MICU1: variants seen among roughly 807,000 people sequenced by gnomAD.
The protein encoded by MICU1 is mitochondrial calcium uptake 1.
In MICU1, 45 loss-of-function variants were observed where a neutral mutation model predicts 56.8. The ratio of observed to expected loss-of-function variants is 0.79; its 90% confidence interval spans 0.62 to 1.02. MICU1 has a LOEUF of 1.02. MICU1 is among the 50% of genes least tolerant of loss of function. The pLI, the probability that MICU1 is intolerant of heterozygous loss-of-function variation, is 0.00. For missense variants in MICU1, 504 were observed against 587.1 expected (o/e 0.86, Z 1.46); for synonymous variants, 186 against 195.1 (o/e 0.95, Z 0.39).
At chr10:72,514,022 T>C (rs1304588080) in intron 5 of MICU1, among the ~76,000 whole-genome samples, 1 of 152,150 alleles carries the variant, frequency 6.6e-6, no homozygotes, top group East Asian at 1.9e-4. Context: ...CTGTGCATTT[T>C]TTTTTTCATT....
chr10:72,506,763 A>C (rs1035820057), intron 6 of MICU1, among the ~76,000 whole-genome samples: 3 of 152,192 alleles, frequency 2.0e-5, no homozygotes, highest in Non-Finnish European at 4.4e-5. Context: ...TCTTCCCCCA[A>C]ATCACAAGCT....
At chr10:72,533,288 C>A (rs991170648) in intron 5 of MICU1, 4 of 475,462 alleles carry the variant, frequency 8.4e-6, no homozygotes, top group African/African-American at 2.0e-5. Flanking sequence ...AAGTATAGTG[C>A]AAACTTATAG....
In MICU1 at chr10:72,625,822, C is replaced by T. The variant is rs1471690239; in HGVS notation, c.-2+188G>A. Reference sequence around the variant, plus strand: ...CGGGAGGCAAGCAAGACTACGGACTCCTCTCCAAAAGCTGAGCGCATCAGG... The same window carrying T: ...CGGGAGGCAAGCAAGACTACGGACTTCTCTCCAAAAGCTGAGCGCATCAGG... On this transcript the variant is annotated intron_variant, in intron 1 of 11. Transcript: ENST00000361114. 5.9e-5 allele frequency among the ~76,000 whole-genome samples: 9 copies of T among 152,190 alleles called. No individual in the cohort carries two copies. In the South Asian group the frequency reaches 6.2e-4, roughly 11 times the overall value.
intron 11 of MICU1, among the ~76,000 whole-genome samples, chr10:72,373,077 T>G (rs1050505361): frequency 3.9e-5 from 6 of 152,150 alleles, no homozygotes; most frequent in African/African-American, 1.4e-4. Context: ...TGTATGTTAT[T>G]TGCATGCATG....
chr10:72,374,444 A>G (rs2132034933), intron 11 of MICU1, among the ~76,000 whole-genome samples: 1 of 152,312 alleles, frequency 6.6e-6, no homozygotes, highest in African/African-American at 2.4e-5. Flanking sequence ...AGATTTAAAT[A>G]ACTCAAGTTC....
chr10:72,370,110 C>T (rs1480356801), intron 11 of MICU1, among the ~76,000 whole-genome samples: 1 of 152,132 alleles, frequency 6.6e-6, no homozygotes, highest in East Asian at 1.9e-4. Flanking sequence ...ATCTCCTGAC[C>T]TCATGATCCG....
At chr10:72,568,505 G>A (rs948878051) in intron 1 of MICU1, among the ~76,000 whole-genome samples, 4 of 152,000 alleles carry the variant, frequency 2.6e-5, no homozygotes. Context: ...GCACTCCATC[G>A]AGGGAAGACC....
intron 10 of MICU1, among the ~76,000 whole-genome samples, chr10:72,391,381 G>A (rs1438434365): frequency 3.3e-5 from 5 of 151,830 alleles, no homozygotes; most frequent in Admixed American, 6.6e-5. Flanking sequence ...GCAGTGAGTC[G>A]AGATCATGCC....
intron 8 of MICU1, among the ~76,000 whole-genome samples, chr10:72,460,650 A>G (rs1202531664): frequency 2.0e-5 from 3 of 152,214 alleles, no homozygotes; most frequent in Non-Finnish European, 4.4e-5. Context: ...AAGGCTGCAT[A>G]TGATACATAA....
At chr10:72,553,760 T>C (rs1296651515) in intron 3 of MICU1, among the ~76,000 whole-genome samples, 1 of 152,168 alleles carries the variant, frequency 6.6e-6, no homozygotes, top group Non-Finnish European at 1.5e-5. Context: ...TTTGAAATAA[T>C]AGGTCAAAGA....
intron 5 of MICU1, chr10:72,523,700 AGCC>A (rs2132388636): frequency 1.4e-6 from 1 of 734,560 alleles, no homozygotes; most frequent in South Asian, 4.2e-5. Flanking sequence ...TAAGACTGCC[AGCC>A]ACCAGAAATG....
chr10:72,402,329 C>A (rs950659174), intron 10 of MICU1, among the ~76,000 whole-genome samples: 1 of 152,152 alleles, frequency 6.6e-6, no homozygotes, highest in Non-Finnish European at 1.5e-5. Flanking sequence ...GACTAGCTGC[C>A]TTACCTGTTA....
intron 3 of MICU1, among the ~76,000 whole-genome samples, chr10:72,556,781 A>G (rs1200990600): frequency 6.6e-6 from 1 of 152,008 alleles, no homozygotes; most frequent in Non-Finnish European, 1.5e-5. Context: ...TGTTGAAAAA[A>G]TCTGGCCAGG....
At chr10:72,622,157 T>G (rs1241772329) in intron 1 of MICU1, among the ~76,000 whole-genome samples, 1 of 151,046 alleles carries the variant, frequency 6.6e-6, no homozygotes, top group Non-Finnish European at 1.5e-5. Context: ...TCTCCTGACC[T>G]CGTGATCTGC....
chr10:72,436,554 G>C (rs931227141), intron 8 of MICU1, among the ~76,000 whole-genome samples: 4 of 152,192 alleles, frequency 2.6e-5, no homozygotes, highest in African/African-American at 9.7e-5. Flanking sequence ...GCTAGACAGA[G>C]AATGACTTTG....
At chr10:72,440,127 T>C (rs1375699290) in intron 8 of MICU1, among the ~76,000 whole-genome samples, 1 of 152,136 alleles carries the variant, frequency 6.6e-6, no homozygotes, top group East Asian at 1.9e-4. Flanking sequence ...GCTGGAGGCA[T>C]CACGCTACCT....
intron 9 of MICU1, among the ~76,000 whole-genome samples, chr10:72,412,055 A>C (rs1863833139): frequency 6.6e-6 from 1 of 152,224 alleles, no homozygotes. Context: ...TGTATTGGAC[A>C]CAGGCCTTGA....
At chr10:72,414,612 T>C (rs1481857087) in intron 9 of MICU1, among the ~76,000 whole-genome samples, 2 of 152,186 alleles carry the variant, frequency 1.3e-5, no homozygotes, top group African/African-American at 2.4e-5. Context: ...GCAGTAATAA[T>C]TGCATAACTG....
At position 72,408,015 on chromosome 10, in the gene MICU1, T is replaced by C; in HGVS notation, c.1094A>G (p.Glu365Gly). ...EGKGLTFQEV[E>G]NFFTFLKNIN... is the part of the protein sequence containing the mutation. ...GTTCTTTAGGAAAGTAAAGAAGTTC[T>C]CCACCTCCTGAAATGTCAGACCCTG... is the stretch of plus-strand genomic sequence containing the variant. Residue 365 changes from glutamate to glycine, a missense_variant, in exon 10 of 12, where the codon GAG becomes GGG. By Grantham distance (98) the Glu-to-Gly change is moderately conservative (BLOSUM62 -2). Transcript: ENST00000361114. 1 of 1,613,602 alleles carries C rather than the reference T, an allele frequency of 6.2e-7. No individual in the cohort carries two copies. Among genetic ancestry groups the C allele is most frequent in the Non-Finnish European group, 8.5e-7 (1 of 1,179,616 alleles).
Sources: gnomAD v4.1 joint callset for allele counts (sites outside exome capture counted in the v4.1 genomes callset) on GRCh38, gnomAD v4.1.1 for gene constraint, MANE v1.5 for transcripts, NCBI Gene and HGNC (gene_info 2026-07-23, HGNC 2026-07-21) for gene names.